The following CLSTN2 variants were observed in gnomAD, a reference collection of about 807,000 sequenced individuals.
CLSTN2 encodes calsyntenin 2, also known as calsyntenin-2.
A neutral mutation model predicts 101.2 loss-of-function variants in CLSTN2; 48 were observed. That is an observed-to-expected ratio of 0.47 (90% confidence interval 0.38 to 0.60). The LOEUF is 0.60. Among genes scored for constraint, CLSTN2 ranks in the 20% least tolerant of loss-of-function variants. The pLI is 0.00. For missense variants in CLSTN2, 1,160 were observed against 1,238.2 expected (o/e 0.94, Z 0.95); for synonymous variants, 481 against 463.6 (o/e 1.04, Z -0.48).
At chr3:140,396,654 C>A (rs1321503566) in intron 2 of CLSTN2, among the ~76,000 whole-genome samples, 1 of 152,162 alleles carries the variant, frequency 6.6e-6, no homozygotes, top group Non-Finnish European at 1.5e-5. Flanking sequence ...TATTTCATTC[C>A]AGCCCATCTG....
intron 1 of CLSTN2, among the ~76,000 whole-genome samples, chr3:140,077,712 C>A (rs541489301): frequency 2.6e-5 from 4 of 152,122 alleles, no homozygotes; most frequent in African/African-American, 9.6e-5. Flanking sequence ...AACCTCAAAC[C>A]TTATAGTTTG....
At chr3:140,236,345 T>C (rs1423043517) in intron 2 of CLSTN2, among the ~76,000 whole-genome samples, 1 of 152,194 alleles carries the variant, frequency 6.6e-6, no homozygotes, top group African/African-American at 2.4e-5. Flanking sequence ...TGATGGAAAG[T>C]CTGAGAAGTC....
rs192709640 is a variant in CLSTN2 at position 140,421,583 on chromosome 3, G to C, written c.787+309G>C. Among the ~76,000 whole-genome samples the C allele has an allele frequency of 1.2e-3, 177 of 152,200 alleles. 1 individual carries two copies. Among genetic ancestry groups the C allele is most frequent in the African/African-American group, 3.9e-3 (162 of 41,510 alleles). ...AGCATGTAGGAGAAATTGCCAGCAAGCCTATTCACTTTACCCCAGGGTGCT... is the reference window on the plus strand; with the variant it reads ...AGCATGTAGGAGAAATTGCCAGCAACCCTATTCACTTTACCCCAGGGTGCT... On this transcript the variant is annotated intron_variant, in intron 5 of 16. Coordinates refer to ENST00000458420, the MANE Select transcript of CLSTN2 (RefSeq NM_022131.3).
intron 1 of CLSTN2, among the ~76,000 whole-genome samples, chr3:140,151,129 G>T (rs186341812): frequency 2.0e-5 from 3 of 151,958 alleles, no homozygotes; most frequent in Admixed American, 6.6e-5. Context: ...TAGCTACTTG[G>T]CCTCAGAAGA....
intron 4 of CLSTN2, among the ~76,000 whole-genome samples, chr3:140,414,734 A>G (rs112432796): frequency 9.2e-5 from 14 of 152,150 alleles, no homozygotes; most frequent in African/African-American, 3.4e-4. Context: ...TAAAAATCTA[A>G]TAAAATGTCT....
intron 1 of CLSTN2, among the ~76,000 whole-genome samples, chr3:140,024,783 A>G (rs2007384917): frequency 6.6e-6 from 1 of 152,220 alleles, no homozygotes; most frequent in Non-Finnish European, 1.5e-5. Flanking sequence ...CTGTCTTGTC[A>G]TTTATAAAAT....
rs542019852 is a variant in CLSTN2, at chr3:140,164,303, A to G, written c.110-11648A>G. Among the ~76,000 whole-genome samples the G allele has an allele frequency of 9.1e-4, 138 of 152,166 alleles. 1 individual carries two copies. Among genetic ancestry groups the G allele is most frequent in the African/African-American group, 3.3e-3 (135 of 41,530 alleles). On this transcript the variant is annotated intron_variant, in intron 1 of 16. Transcript: ENST00000458420. Reference sequence around the variant, plus strand: ...GGTTCTGTTAGGTCTTCATCCTACCAATGGATTAGTTGGGTTGTGGGCATG... The same window carrying G: ...GGTTCTGTTAGGTCTTCATCCTACCGATGGATTAGTTGGGTTGTGGGCATG...
chr3:140,190,502 T>C (rs1207779864), intron 2 of CLSTN2, among the ~76,000 whole-genome samples: 2 of 149,294 alleles, frequency 1.3e-5, no homozygotes, highest in African/African-American at 5.0e-5. Flanking sequence ...TAAACATGTA[T>C]AGCAACTTTA....
chr3:140,452,600 A>C (rs1933278631), intron 6 of CLSTN2: 1 of 152,194 alleles, frequency 6.6e-6, no homozygotes, highest in Admixed American at 6.5e-5. Flanking sequence ...ATTAGGAGCA[A>C]TGAGGGAATC....
At chr3:140,270,253 C>G (rs1242306363) in intron 2 of CLSTN2, among the ~76,000 whole-genome samples, 1 of 152,156 alleles carries the variant, frequency 6.6e-6, no homozygotes, top group Non-Finnish European at 1.5e-5. Context: ...GATGTACACT[C>G]AAAGAAGTCA....
At chr3:140,474,810 G>A (rs908491302) in intron 8 of CLSTN2, among the ~76,000 whole-genome samples, 4 of 152,062 alleles carry the variant, frequency 2.6e-5, no homozygotes, top group African/African-American at 9.7e-5. Context: ...GCTGGGCTCC[G>A]GCGAGCCCAG....
intron 1 of CLSTN2, among the ~76,000 whole-genome samples, chr3:140,086,056 C>T (rs114387428): frequency 1.5e-3 from 223 of 152,282 alleles, no homozygotes; most frequent in African/African-American, 5.2e-3. Flanking sequence ...CTCTTTTCCA[C>T]CAAGTCCATA....
intron 4 of CLSTN2, among the ~76,000 whole-genome samples, chr3:140,408,932 T>G (rs2088334044): frequency 6.6e-6 from 1 of 152,244 alleles, no homozygotes; most frequent in African/African-American, 2.4e-5. Flanking sequence ...TACCCAGCCC[T>G]GGCTCCTATC....
At chr3:140,071,866 A>G (rs1348977390) in intron 1 of CLSTN2, among the ~76,000 whole-genome samples, 1 of 152,030 alleles carries the variant, frequency 6.6e-6, no homozygotes, top group Non-Finnish European at 1.5e-5. Context: ...TAAATAAAAA[A>G]GAAAAACACC....
rs1003616992 is a variant in CLSTN2, at chr3:140,496,487, C to T, written c.1344+29756C>T. Among the ~76,000 whole-genome samples the T allele has an allele frequency of 3.3e-5, 5 of 152,208 alleles. No homozygotes were observed. The South Asian group carries it at 1.0e-3, about 32-fold the overall frequency. On this transcript the variant is annotated intron_variant, in intron 8 of 16. Coordinates refer to ENST00000458420, the MANE Select transcript of CLSTN2 (RefSeq NM_022131.3). ...CTCTTGCCTGATTTCCTGGGCCAAA[C>T]TTCCAATACAATGTTGAATAGAAGT...
intron 10 of CLSTN2, among the ~76,000 whole-genome samples, chr3:140,549,866 G>C (rs1935672849): frequency 6.6e-6 from 1 of 150,890 alleles, no homozygotes; most frequent in Non-Finnish European, 1.5e-5. Flanking sequence ...ACAAGCCCAT[G>C]TTTCTTGCTT....
chr3:140,184,120 G>T (rs2010451335), intron 2 of CLSTN2, among the ~76,000 whole-genome samples: 1 of 152,122 alleles, frequency 6.6e-6, no homozygotes, highest in Non-Finnish European at 1.5e-5. Context: ...TGTTCTGTAT[G>T]GTGACTTTGG....
chr3:140,162,430 G>A (rs955202154), intron 1 of CLSTN2, among the ~76,000 whole-genome samples: 3 of 152,268 alleles, frequency 2.0e-5, no homozygotes, highest in Admixed American at 1.3e-4. Context: ...TCTTGGTTAT[G>A]TATCTAGGGG....
chr3:140,562,322 C>T lies in CLSTN2; in HGVS notation c.2212+14C>T, dbSNP rs1285302756. 29 of 1,607,438 alleles carry T rather than the reference C, an allele frequency of 1.8e-5. No homozygotes were observed. Among genetic ancestry groups the T allele is most frequent in the Non-Finnish European group, 2.5e-5 (29 of 1,177,588 alleles). ...ACTCCATCTACGGTAAGGCCACACTCAGCCCCCTTTGCCCCAAGGGTGTCC... is the reference window on the plus strand; with the variant it reads ...ACTCCATCTACGGTAAGGCCACACTTAGCCCCCTTTGCCCCAAGGGTGTCC... On this transcript the variant is annotated intron_variant, in intron 13 of 16. Transcript: ENST00000458420.
Sources: gnomAD v4.1 joint callset for allele counts (sites outside exome capture counted in the v4.1 genomes callset) on GRCh38, gnomAD v4.1.1 for gene constraint, MANE v1.5 for transcripts, NCBI Gene and HGNC (gene_info 2026-07-23, HGNC 2026-07-21) for gene names.